RANBP2: variants seen among roughly 807,000 people sequenced by gnomAD.
The protein encoded by RANBP2 is E3 SUMO-protein ligase RanBP2.
In RANBP2, 57 loss-of-function variants were observed where a neutral mutation model predicts 303.6. The ratio of observed to expected loss-of-function variants is 0.19; its 90% confidence interval spans 0.15 to 0.23. RANBP2 has a LOEUF of 0.23. Ranked by LOEUF, RANBP2 falls within the 10% of genes least tolerant of loss-of-function variation. The pLI, the probability that RANBP2 is intolerant of heterozygous loss-of-function variation, is 1.00. For missense variants in RANBP2, 3,138 were observed against 3,780.8 expected, an observed-to-expected ratio of 0.83 and a Z score of 4.46; for synonymous variants, 1,167 against 1,301.5, an observed-to-expected ratio of 0.90 and a Z score of 2.23.
chr2:109,442,038 A>G, the RANBP2 span, among the ~76,000 whole-genome samples: 1 of 152,242 alleles, frequency 6.6e-6, no homozygotes, highest in African/African-American at 2.4e-5. Context: ...TTGGCCAGGC[A>G]CAGTGGCTCA....
chr2:109,674,490 G>C, the RANBP2 span, among the ~76,000 whole-genome samples: 2 of 151,706 alleles, frequency 1.3e-5, no homozygotes, highest in Non-Finnish European at 2.9e-5. Context: ...AGGCTGAGGC[G>C]GGATTGCTTG....
the RANBP2 span, among the ~76,000 whole-genome samples, chr2:109,412,170 G>A: frequency 6.6e-6 from 1 of 152,272 alleles, no homozygotes; most frequent in South Asian, 2.1e-4. Flanking sequence ...TCCACGATGC[G>A]TGTGCTCCGC....
chr2:109,089,202 G>A, the RANBP2 span, among the ~76,000 whole-genome samples: 5 of 152,274 alleles, frequency 3.3e-5, no homozygotes, highest in East Asian at 9.7e-4. Context: ...ATTCCAGTGA[G>A]GGCAGGAGGA....
At chr2:109,635,548 G>C in the RANBP2 span, among the ~76,000 whole-genome samples, 1 of 152,160 alleles carries the variant, frequency 6.6e-6, no homozygotes, top group Non-Finnish European at 1.5e-5. Flanking sequence ...TGGAGTGAGT[G>C]GCAGATCCTC....
At chr2:109,238,492 TGTGTGTGA>T in the RANBP2 span, among the ~76,000 whole-genome samples, 66 of 127,632 alleles carry the variant, frequency 5.2e-4, no homozygotes, top group African/African-American at 1.7e-3. Flanking sequence ...TGTGTGTGTG[TGTGTGTGA>T]GAGTGAGACA....
chr2:108,990,321 C>A, the RANBP2 span, among the ~76,000 whole-genome samples: 2 of 150,962 alleles, frequency 1.3e-5, no homozygotes, highest in African/African-American at 2.4e-5. Flanking sequence ...GTCCCAGCTA[C>A]TCGGGAGGCT....
chr2:108,759,947 G>T (rs1428901726), intron 18 of RANBP2, among the ~76,000 whole-genome samples: 4 of 152,154 alleles, frequency 2.6e-5, no homozygotes, highest in African/African-American at 9.7e-5. Flanking sequence ...ATGTGTAGAA[G>T]CAGCACATCC....
At chr2:109,153,056 A>T in the RANBP2 span, among the ~76,000 whole-genome samples, 1 of 152,172 alleles carries the variant, frequency 6.6e-6, no homozygotes, top group African/African-American at 2.4e-5. Context: ...CAGACAAGGG[A>T]CCATCTGCAA....
At chr2:108,738,518 C>T (rs756003100) in intron 6 of RANBP2, among the ~76,000 whole-genome samples, 67 of 152,244 alleles carry the variant, frequency 4.4e-4, no homozygotes, top group South Asian at 4.1e-4. Flanking sequence ...AGCCACTGCA[C>T]CCGGCTGTAT....
chr2:109,186,992 C>T, the RANBP2 span, among the ~76,000 whole-genome samples: 84 of 152,228 alleles, frequency 5.5e-4, 1 homozygote, highest in African/African-American at 1.9e-3. Context: ...GAAGTTTGCT[C>T]GTCTCCCAGA....
In RANBP2 at chr2:108,727,603, ATT is replaced by A. The variant is rs34554578; in HGVS notation, c.73-1510_73-1509del. 1.2e-3 allele frequency among the ~76,000 whole-genome samples: 146 copies of A among 119,716 alleles called. 1 individual carries two copies. Among genetic ancestry groups the A allele is most frequent in the African/African-American group, 4.0e-3 (111 of 27,916 alleles). The allele number at this position is 119,716 out of a possible 152,430, so 78.5% of individuals were successfully genotyped here. A position where few individuals can be genotyped will look rare whatever the true frequency, so the allele number is the denominator to read the frequency against. ...TGGAACATACTCTGGTTGTATCAGC[ATT>A]TTTTTTTTTTTTTTTTTTGAGATGG... On this transcript the variant is annotated intron_variant, in intron 1 of 28. Transcript: ENST00000283195.
chr2:109,728,042 C>T, the RANBP2 span, among the ~76,000 whole-genome samples: 1 of 152,266 alleles, frequency 6.6e-6, no homozygotes, highest in East Asian at 1.9e-4. Flanking sequence ...AGCCATGAAC[C>T]TACCATGCGA....
At chr2:108,896,090 C>T in the RANBP2 span, 2 of 152,160 alleles carry the variant, frequency 1.3e-5, no homozygotes, top group African/African-American at 4.8e-5. Context: ...TAGTGCAGAC[C>T]ACAGGGTTCC....
chr2:109,315,964 A>G, the RANBP2 span, among the ~76,000 whole-genome samples: 3 of 152,214 alleles, frequency 2.0e-5, no homozygotes, highest in Non-Finnish European at 2.9e-5. Flanking sequence ...ATGCATTAGC[A>G]GAAGTCTTTT....
At chr2:109,062,507 G>T in the RANBP2 span, among the ~76,000 whole-genome samples, 2 of 152,122 alleles carry the variant, frequency 1.3e-5, no homozygotes, top group African/African-American at 4.8e-5. Flanking sequence ...TTTTCCATGT[G>T]CATGCACCTG....
At chr2:108,848,923 G>C in the RANBP2 span, among the ~76,000 whole-genome samples, 1 of 152,164 alleles carries the variant, frequency 6.6e-6, no homozygotes, top group Admixed American at 6.5e-5. Flanking sequence ...ATATGATACA[G>C]ATGATAGAAT....
the RANBP2 span, among the ~76,000 whole-genome samples, chr2:109,706,875 C>T: frequency 0.22 from 33,427 of 151,966 alleles, 3,819 homozygotes; most frequent in East Asian, 0.3. Context: ...CAGCAGGAAG[C>T]CTGGCCCTGC....
chr2:109,614,903 GC>G, the RANBP2 span: 1 of 1,444,800 alleles, frequency 6.9e-7, no homozygotes, highest in Non-Finnish European at 9.0e-7. Flanking sequence ...GCGAGGGAGA[GC>G]CCCCCGCCCC....
chr2:109,264,222 C>T, the RANBP2 span, among the ~76,000 whole-genome samples: 65 of 143,030 alleles, frequency 4.5e-4, no homozygotes, highest in Admixed American at 2.7e-3. Flanking sequence ...GGATCCACTC[C>T]GAGTCTGTGG....
Sources: gnomAD v4.1 joint callset for allele counts (sites outside exome capture counted in the v4.1 genomes callset) on GRCh38, gnomAD v4.1.1 for gene constraint, MANE v1.5 for transcripts, NCBI Gene and HGNC (gene_info 2026-07-23, HGNC 2026-07-21) for gene names.